The following IL25 variants were observed in gnomAD, a reference collection of about 807,000 sequenced individuals.
IL25 encodes the protein interleukin-25.
Under a neutral mutation model 13.2 loss-of-function variants are expected in IL25, and 10 were observed. The ratio of observed to expected loss-of-function variants is 0.76; its 90% CI spans 0.47 to 1.29. IL25 has a LOEUF of 1.29. Ranked by LOEUF, IL25 falls within the 50% of genes most tolerant of loss-of-function variation. The pLI is 0.00. For synonymous variants in IL25, 107 were observed against 92.1 expected (o/e 1.16, Z -0.93); for missense variants, 235 against 232.4 (o/e 1.01, Z -0.07).
At position 23,373,103 on chromosome 14, in the gene IL25, CA is replaced by C. The variant is rs773530068; in HGVS notation, c.-15del. On this transcript the variant is annotated 5_prime_UTR_variant, in exon 1 of 2. Transcript: ENST00000329715. Reference sequence around the variant, plus strand: ...CAAGTGGAGTGAGAAACTGGGATCCCAGGGGGAGGGTGCAGATGAGGGAGCG... The same window carrying C: ...CAAGTGGAGTGAGAAACTGGGATCCCGGGGGAGGGTGCAGATGAGGGAGCG... 4 of 1,613,858 alleles carry C rather than the reference CA, an allele frequency of 2.5e-6. 1 individual carries two copies. Among genetic ancestry groups the C allele is most frequent in the Non-Finnish European group, 2.5e-6 (3 of 1,179,802 alleles).
chr14:23,373,391 A>G, exon 1 of IL25: 1 of 1,606,950 alleles, frequency 6.2e-7, no homozygotes, highest in Non-Finnish European at 8.5e-7. Context: ...CCCCCTGGAG[A>G]TATGAGTGAG....
chr14:23,373,925 G>A (rs1890476885), intron 1 of IL25, among the ~76,000 whole-genome samples: 1 of 152,162 alleles, frequency 6.6e-6, no homozygotes, highest in Admixed American at 6.5e-5. Flanking sequence ...TCATGATCAT[G>A]GGTACTGTAT....
chr14:23,375,569 C>T (rs1471104377), intron 1 of IL25, 56 bp from the exon 3 acceptor site: 3 of 1,584,536 alleles, frequency 1.9e-6, no homozygotes, highest in Non-Finnish European at 2.6e-6. Flanking sequence ...CATGCCACCC[C>T]ACCCTCTCTG....
At chr14:23,376,183 C>T (rs1890553871) in exon 2 of IL25, 1 of 396,962 alleles carries the variant, frequency 2.5e-6, no homozygotes, top group African/African-American at 2.1e-5. Flanking sequence ...TTCCCATCCC[C>T]TGCTACCCTG....
chr14:23,376,238 GA>G (rs1890555761), exon 2 of IL25: 2 of 269,786 alleles, frequency 7.4e-6, no homozygotes, highest in Non-Finnish European at 1.4e-5. Flanking sequence ...TGCTGGAGAA[GA>G]AAGAGCCCCT....
chr14:23,374,656 C>T (rs1024766934), intron 1 of IL25, among the ~76,000 whole-genome samples: 2 of 152,144 alleles, frequency 1.3e-5, no homozygotes, highest in African/African-American at 2.4e-5. Context: ...GAGACTGTCG[C>T]CTGCCAGACT....
exon 1 of IL25, chr14:23,373,294 T>G: frequency 6.2e-7 from 1 of 1,614,154 alleles, no homozygotes; most frequent in South Asian, 1.1e-5. Context: ...ACTGTGCCTG[T>G]GCCTCCCCTA....
chr14:23,375,484 T>G, intron 1 of IL25, 141 bp from the exon 3 acceptor site: 1 of 1,032,190 alleles, frequency 9.7e-7, no homozygotes, highest in Non-Finnish European at 1.4e-6. Context: ...TGTTCAAAGT[T>G]ACACAGCAAG....
exon 1 of IL25, chr14:23,373,309 C>G (rs1890462811): frequency 6.2e-7 from 1 of 1,614,144 alleles, no homozygotes; most frequent in Non-Finnish European, 8.5e-7. Flanking sequence ...CCCCTAGAGC[C>G]TGCTAGGCCC....
At chr14:23,372,916 C>G in exon 1 of IL25, 1 of 1,577,640 alleles carries the variant, frequency 6.3e-7, no homozygotes, top group Non-Finnish European at 8.7e-7. Context: ...CCTGCTTCCA[C>G]GAGGCCTGTC....
chr14:23,375,894 A>G, exon 2 of IL25: 1 of 1,610,230 alleles, frequency 6.2e-7, no homozygotes, highest in Non-Finnish European at 8.5e-7. Flanking sequence ...GACCTGCTGG[A>G]GGCTGGTCCC....
chr14:23,373,973 C>T (rs1240892765), intron 1 of IL25, among the ~76,000 whole-genome samples: 1 of 152,148 alleles, frequency 6.6e-6, no homozygotes, highest in African/African-American at 2.4e-5. Flanking sequence ...TTATAGTTCT[C>T]TATTTGTGCC....
chr14:23,372,859 C>G (rs1051446626), upstream of IL25: 1 of 1,051,562 alleles, frequency 9.5e-7, no homozygotes, highest in African/African-American at 1.6e-5. Context: ...ATAAACAAAA[C>G]AGGCTTGCTG....
intron 1 of IL25, among the ~76,000 whole-genome samples, chr14:23,374,279 G>A (rs1890483477): frequency 6.6e-6 from 1 of 152,142 alleles, no homozygotes; most frequent in Non-Finnish European, 1.5e-5. Flanking sequence ...GGGTGCCAGA[G>A]GTTAACTCAG....
At chr14:23,375,573 C>T in intron 1 of IL25, 52 bp from the exon 3 acceptor site, 2 of 1,587,960 alleles carry the variant, frequency 1.3e-6, no homozygotes, top group Non-Finnish European at 1.7e-6. Context: ...CCACCCCACC[C>T]TCTCTGTTTC....
exon 1 of IL25, chr14:23,373,038 G>A: frequency 6.2e-7 from 1 of 1,614,118 alleles, no homozygotes; most frequent in Non-Finnish European, 8.5e-7. Flanking sequence ...TGCTGCTGAG[G>A]GTGGAGGGAG....
At chr14:23,375,594 T>C in intron 1 of IL25, 31 bp from the exon 3 acceptor site, 3 of 1,603,328 alleles carry the variant, frequency 1.9e-6, no homozygotes, top group Non-Finnish European at 2.6e-6. Context: ...CGGCCCATCT[T>C]TCCAAGGCCT....
At chr14:23,373,390 G>A in exon 1 of IL25, 1 of 1,607,590 alleles carries the variant, frequency 6.2e-7, no homozygotes, top group East Asian at 2.2e-5. Flanking sequence ...TCCCCCTGGA[G>A]ATATGAGTGA....
At chr14:23,375,778 A>G (rs140981473) in exon 2 of IL25, 1 of 1,614,222 alleles carries the variant, frequency 6.2e-7, no homozygotes. Context: ...ACCGGCGGCC[A>G]TGCCATGGCG....
Sources: gnomAD v4.1 joint callset for allele counts (sites outside exome capture counted in the v4.1 genomes callset) on GRCh38, gnomAD v4.1.1 for gene constraint, MANE v1.5 for transcripts, NCBI Gene and HGNC (gene_info 2026-07-23, HGNC 2026-07-21) for gene names.